Variants in LRRC4C observed in about 807,000 individuals in gnomAD.
LRRC4C encodes the protein leucine-rich repeat-containing protein 4C.
In LRRC4C, 5 loss-of-function variants were observed where a neutral mutation model predicts 33.6. That is an observed-to-expected ratio of 0.15 (90% CI 0.08 to 0.31). The LOEUF (loss-of-function observed/expected upper bound fraction) is 0.31, where lower values mean the gene tolerates loss of function less well. Ranked by LOEUF, LRRC4C falls within the 10% of genes least tolerant of loss-of-function variation. LRRC4C has a pLI of 1.00. For synonymous variants in LRRC4C, 329 were observed against 302.0 expected, an observed-to-expected ratio of 1.09 and a Z score of -0.93; for missense variants, 560 against 796.7, an observed-to-expected ratio of 0.70 and a Z score of 3.58.
chr11:40,477,841 A>C (rs1420416075), intron 3 of LRRC4C, among the ~76,000 whole-genome samples: 1 of 152,170 alleles, frequency 6.6e-6, no homozygotes, highest in African/African-American at 2.4e-5. Flanking sequence ...GTCCCCACCC[A>C]AATCTCATCC....
At chr11:40,928,886 C>A (rs932943353) in intron 2 of LRRC4C, among the ~76,000 whole-genome samples, 1 of 152,096 alleles carries the variant, frequency 6.6e-6, no homozygotes, top group Non-Finnish European at 1.5e-5. Context: ...AATAAGTGTG[C>A]AATTTCTTCT....
Position 40,577,838 on chromosome 11 carries a change from T to TC in LRRC4C, c.-270+70303_-270+70304insG, listed in dbSNP as rs1376013275. Among the ~76,000 whole-genome samples the TC allele has an allele frequency of 4.8e-4, 40 of 83,508 alleles. No homozygotes were observed. In the Admixed American group the frequency reaches 5.2e-3, roughly 11 times the overall value. The allele number at this position is 83,508 out of a possible 152,430, so 54.8% of individuals were successfully genotyped here. A position where few individuals can be genotyped will look rare whatever the true frequency, so the allele number is the denominator to read the frequency against. On this transcript the variant is annotated intron_variant, in intron 3 of 6. Transcript: ENST00000528697. ...TTTGTTTGTTTTCTTTTTTCTTTTTTTTTTTTTTTTTTTTTGAGACGGAGT... is the reference window on the plus strand; with the variant it reads ...TTTGTTTGTTTTCTTTTTTCTTTTTTCTTTTTTTTTTTTTTTGAGACGGAGT...
chr11:41,381,223 G>T (rs993090907), intron 1 of LRRC4C, among the ~76,000 whole-genome samples: 1 of 152,068 alleles, frequency 6.6e-6, no homozygotes. Flanking sequence ...ACCAAAGTGG[G>T]GGGAACATTG....
intron 3 of LRRC4C, among the ~76,000 whole-genome samples, chr11:40,571,365 C>T (rs1349809236): frequency 6.6e-6 from 1 of 151,962 alleles, no homozygotes; most frequent in Non-Finnish European, 1.5e-5. Flanking sequence ...TTGTAAATTT[C>T]ACTGTTGAAT....
chr11:40,652,657 G>T (rs779407893), intron 2 of LRRC4C, among the ~76,000 whole-genome samples: 3 of 152,164 alleles, frequency 2.0e-5, no homozygotes. Context: ...CTAGGAGCAG[G>T]GCTGGATGCT....
intron 3 of LRRC4C, among the ~76,000 whole-genome samples, chr11:40,538,904 AT>A (rs1956588927): frequency 6.6e-6 from 1 of 151,902 alleles, no homozygotes; most frequent in Non-Finnish European, 1.5e-5. Context: ...GATGATGAGC[AT>A]TTTTTCATGT....
intron 3 of LRRC4C, among the ~76,000 whole-genome samples, chr11:40,343,106 A>C (rs1247753720): frequency 6.6e-6 from 1 of 152,110 alleles, no homozygotes; most frequent in African/African-American, 2.4e-5. Flanking sequence ...AGTAAATACT[A>C]CACAATTGAA....
intron 1 of LRRC4C, among the ~76,000 whole-genome samples, chr11:40,968,489 G>C (rs1005710877): frequency 6.6e-6 from 1 of 152,106 alleles, no homozygotes; most frequent in African/African-American, 2.4e-5. Flanking sequence ...TGATGTTTAG[G>C]AGTTTCATAG....
At chr11:40,432,699 T>C (rs971958992) in intron 3 of LRRC4C, among the ~76,000 whole-genome samples, 2 of 152,206 alleles carry the variant, frequency 1.3e-5, no homozygotes, top group African/African-American at 4.8e-5. Flanking sequence ...GTTTGAATCT[T>C]CCAATTTTAC....
Position 40,252,069 on chromosome 11 carries a change from T to C in LRRC4C, c.-175-10471A>G, listed in dbSNP as rs538520447. Among the ~76,000 whole-genome samples, 233 of 152,292 alleles carry C rather than the reference T, an allele frequency of 1.5e-3. 2 individuals carry two copies. The highest frequency in any genetic ancestry group is 5.1e-3 in the African/African-American group (212 of 41,562). ...ATGGAATCAGATGGCTTTGATGACA[T>C]GATTCAGGTGAAAACATTGTATAAA... On this transcript the variant is annotated intron_variant, in intron 4 of 6. Coordinates refer to ENST00000528697, the MANE Select transcript of LRRC4C (RefSeq NM_001258419.2).
At chr11:40,756,822 A>G (rs1263028733) in intron 2 of LRRC4C, among the ~76,000 whole-genome samples, 1 of 152,024 alleles carries the variant, frequency 6.6e-6, no homozygotes, top group African/African-American at 2.4e-5. Context: ...AAACCAATGG[A>G]TAAATGAATA....
intron 1 of LRRC4C, among the ~76,000 whole-genome samples, chr11:41,103,040 A>G (rs1489205978): frequency 6.6e-6 from 1 of 151,984 alleles, no homozygotes; most frequent in South Asian, 2.1e-4. Context: ...CTATTCTAAC[A>G]TAATAATGTT....
intron 3 of LRRC4C, among the ~76,000 whole-genome samples, chr11:40,450,698 A>T (rs146163867): frequency 1.3e-5 from 2 of 151,828 alleles, no homozygotes; most frequent in African/African-American, 4.8e-5. Flanking sequence ...ATTCATTAAT[A>T]TATTTAAAGA....
intron 5 of LRRC4C, among the ~76,000 whole-genome samples, chr11:40,183,917 A>C (rs1322094637): frequency 1.3e-5 from 2 of 152,244 alleles, no homozygotes; most frequent in Admixed American, 6.5e-5. Flanking sequence ...GAGAGGGGTC[A>C]AGAGTTGAGT....
chr11:40,246,825 G>A (rs1267340554), intron 4 of LRRC4C, among the ~76,000 whole-genome samples: 1 of 152,020 alleles, frequency 6.6e-6, no homozygotes, highest in Non-Finnish European at 1.5e-5. Flanking sequence ...AAGTATATGT[G>A]TCAGATATAT....
chr11:40,638,412 C>T (rs905260500), intron 3 of LRRC4C, among the ~76,000 whole-genome samples: 1 of 152,168 alleles, frequency 6.6e-6, no homozygotes, highest in Admixed American at 6.5e-5. Context: ...ATTTCTTCCT[C>T]TGTAATTCAT....
intron 1 of LRRC4C, among the ~76,000 whole-genome samples, chr11:41,403,495 G>T (rs7105585): frequency 0.35 from 52,568 of 151,862 alleles, 9,426 homozygotes; most frequent in African/African-American, 0.41. Context: ...CCCCATGTTA[G>T]GAAATTCAGG....
intron 1 of LRRC4C, among the ~76,000 whole-genome samples, chr11:41,315,372 GAGTT>G (rs2137219316): frequency 6.6e-6 from 1 of 152,284 alleles, no homozygotes; most frequent in African/African-American, 2.4e-5. Context: ...GGATTTTTAG[GAGTT>G]AGTTCATAAA....
intron 2 of LRRC4C, among the ~76,000 whole-genome samples, chr11:40,930,463 G>T (rs1225766670): frequency 6.6e-6 from 1 of 151,972 alleles, no homozygotes; most frequent in East Asian, 1.9e-4. Flanking sequence ...ATAGAATTCG[G>T]GGTCCTTCTG....
Sources: allele counts gnomAD v4.1 joint callset (sites outside exome capture counted in the v4.1 genomes callset), GRCh38; gene constraint gnomAD v4.1.1; transcripts MANE v1.5; gene names NCBI Gene and HGNC (gene_info 2026-07-23, HGNC 2026-07-21).